CNTNAP2: variants seen among roughly 807,000 people sequenced by gnomAD.
The protein encoded by CNTNAP2 is contactin associated protein 2.
A neutral mutation model predicts 155.2 loss-of-function variants in CNTNAP2; 98 were observed. The observed-to-expected ratio is 0.63, with a 90% confidence interval of 0.54 to 0.75. CNTNAP2 has a LOEUF of 0.75. Ranked by LOEUF, CNTNAP2 falls within the 30% of genes least tolerant of loss-of-function variation. The pLI, the probability that CNTNAP2 is intolerant of heterozygous loss-of-function variation, is 0.00. For missense variants in CNTNAP2, 1,727 were observed against 1,688.1 expected (o/e 1.02, Z -0.40); for synonymous variants, 651 against 631.2 (o/e 1.03, Z -0.47).
At chr7:147,733,913 G>A (rs1796790876) in intron 13 of CNTNAP2, among the ~76,000 whole-genome samples, 1 of 152,148 alleles carries the variant, frequency 6.6e-6, no homozygotes, top group Admixed American at 6.5e-5. Flanking sequence ...AGGAGATTTT[G>A]GGCTGAGACG....
chr7:146,618,447 A>G (rs1563158840), intron 1 of CNTNAP2, among the ~76,000 whole-genome samples: 1 of 152,146 alleles, frequency 6.6e-6, no homozygotes, highest in African/African-American at 2.4e-5. Flanking sequence ...ATTATTTACA[A>G]CCTATCTGTA....
intron 3 of CNTNAP2, among the ~76,000 whole-genome samples, chr7:147,038,727 A>G (rs1324856211): frequency 1.3e-5 from 2 of 152,202 alleles, no homozygotes; most frequent in African/African-American, 4.8e-5. Context: ...ACTTGTGGCC[A>G]TATTATTTCA....
chr7:146,664,254 G>A (rs1248186527), intron 1 of CNTNAP2, among the ~76,000 whole-genome samples: 4 of 147,714 alleles, frequency 2.7e-5, no homozygotes, highest in Admixed American at 1.4e-4. Flanking sequence ...CTCCGCCTCC[G>A]GAGTTCAAGT....
intron 15 of CNTNAP2, among the ~76,000 whole-genome samples, chr7:148,087,463 A>C (rs540614253): frequency 6.6e-6 from 1 of 152,226 alleles, no homozygotes; most frequent in Admixed American, 6.5e-5. Context: ...CTCAAGCATC[A>C]TTTTAAGCTA....
At chr7:147,607,163 A>G (rs1281688388) in intron 12 of CNTNAP2, among the ~76,000 whole-genome samples, 2 of 152,184 alleles carry the variant, frequency 1.3e-5, no homozygotes, top group Admixed American at 1.3e-4. Flanking sequence ...GACTGAGTCA[A>G]TGAGGAAAAT....
intron 1 of CNTNAP2, among the ~76,000 whole-genome samples, chr7:146,223,084 A>G (rs1799234827): frequency 6.6e-6 from 1 of 152,120 alleles, no homozygotes; most frequent in Non-Finnish European, 1.5e-5. Context: ...TATACACACT[A>G]ACTTATTCAA....
intron 8 of CNTNAP2, among the ~76,000 whole-genome samples, chr7:147,151,482 A>AT (rs929766306): frequency 6.6e-6 from 1 of 152,130 alleles, no homozygotes; most frequent in African/African-American, 2.4e-5. Context: ...ATAAACTATA[A>AT]TTTTTTTCAG....
intron 2 of CNTNAP2, among the ~76,000 whole-genome samples, chr7:146,776,549 T>A (rs1392818352): frequency 6.6e-6 from 1 of 152,168 alleles, no homozygotes; most frequent in African/African-American, 2.4e-5. Flanking sequence ...AGAGTATAAA[T>A]GTTATAGGCA....
intron 4 of CNTNAP2, among the ~76,000 whole-genome samples, chr7:147,101,652 G>A (rs1392952243): frequency 6.6e-6 from 1 of 152,122 alleles, no homozygotes; most frequent in Admixed American, 6.5e-5. Flanking sequence ...GATGGATGGG[G>A]AGCTGGAAAG....
At chr7:146,148,252 A>AT (rs1797983648) in intron 1 of CNTNAP2, among the ~76,000 whole-genome samples, 1 of 152,088 alleles carries the variant, frequency 6.6e-6, no homozygotes, top group Non-Finnish European at 1.5e-5. Flanking sequence ...ATTTTGATGG[A>AT]TTTTGTGCCA....
chr7:147,507,644 C>A (rs887517549), intron 11 of CNTNAP2, among the ~76,000 whole-genome samples: 1 of 147,544 alleles, frequency 6.8e-6, no homozygotes, highest in Admixed American at 7.0e-5. Flanking sequence ...GCTCCGCCTC[C>A]CAGGTTCACA....
chr7:146,252,350 C>A (rs73455899), intron 1 of CNTNAP2, among the ~76,000 whole-genome samples: 3,985 of 152,188 alleles, frequency 0.026, 184 homozygotes, highest in African/African-American at 0.091. Context: ...ATTACATATG[C>A]CACCAAATGA....
At chr7:147,366,503 C>T (rs1212871203) in intron 9 of CNTNAP2, among the ~76,000 whole-genome samples, 1 of 151,684 alleles carries the variant, frequency 6.6e-6, no homozygotes, top group Non-Finnish European at 1.5e-5. Context: ...TTCATAAAAT[C>T]TAATTCTTTC....
chr7:146,731,682 C>T (rs1011991998), intron 1 of CNTNAP2, among the ~76,000 whole-genome samples: 2 of 152,068 alleles, frequency 1.3e-5, no homozygotes, highest in South Asian at 2.1e-4. Context: ...TTTCAAGAAA[C>T]TTAAAACAGC....
At chr7:148,049,033 G>A (rs772607958) in intron 15 of CNTNAP2, among the ~76,000 whole-genome samples, 1 of 152,106 alleles carries the variant, frequency 6.6e-6, no homozygotes, top group East Asian at 1.9e-4. Context: ...CCAACATGGT[G>A]AAACCCCATC....
At chr7:147,113,247 A>G (rs901523099) in intron 5 of CNTNAP2, among the ~76,000 whole-genome samples, 2 of 152,150 alleles carry the variant, frequency 1.3e-5, no homozygotes, top group Non-Finnish European at 1.5e-5. Context: ...ACATATTTCT[A>G]TAGGGAAATA....
At chr7:148,314,028 T>TAAGCCGGACTGGGTGTGAGGAGA (rs1797641840) in intron 21 of CNTNAP2, among the ~76,000 whole-genome samples, 1 of 152,022 alleles carries the variant, frequency 6.6e-6, no homozygotes, top group Non-Finnish European at 1.5e-5. Flanking sequence ...AACGAAACTG[T>TAAGCCGGACTGGGTGTGAGGAGA]AAGCCGGACT....
At chr7:146,955,645 C>T (rs2129229041) in intron 3 of CNTNAP2, among the ~76,000 whole-genome samples, 1 of 151,928 alleles carries the variant, frequency 6.6e-6, no homozygotes, top group East Asian at 1.9e-4. Context: ...TAAGACAACC[C>T]TAGAAATAAT....
chr7:148,034,249 A>G (rs1364834564), intron 15 of CNTNAP2, among the ~76,000 whole-genome samples: 1 of 152,212 alleles, frequency 6.6e-6, no homozygotes, highest in Non-Finnish European at 1.5e-5. Flanking sequence ...GATAAAATTT[A>G]AAGTAAATTT....
Sources: gnomAD v4.1 joint callset for allele counts (sites outside exome capture counted in the v4.1 genomes callset) on GRCh38, gnomAD v4.1.1 for gene constraint, MANE v1.5 for transcripts, NCBI Gene and HGNC (gene_info 2026-07-23, HGNC 2026-07-21) for gene names.